Variants in GPATCH2 observed in about 807,000 individuals in gnomAD.
GPATCH2 encodes G-patch domain containing 2, also known as G patch domain-containing protein 2.
GPATCH2 carries 51 observed loss-of-function variants against 58.0 expected under a neutral mutation model. The ratio of observed to expected loss-of-function variants is 0.88; its 90% CI spans 0.70 to 1.11. The LOEUF is 1.11. Ranked by LOEUF, GPATCH2 falls within the 50% of genes most tolerant of loss-of-function variation. The pLI is 0.00. For missense variants in GPATCH2, 625 were observed against 652.2 expected (o/e 0.96, Z 0.45); for synonymous variants, 222 against 218.5 (o/e 1.02, Z -0.14).
intron 8 of GPATCH2, among the ~76,000 whole-genome samples, chr1:217,461,113 T>A (rs1660180489): frequency 6.6e-6 from 1 of 152,192 alleles, no homozygotes; most frequent in Non-Finnish European, 1.5e-5. Flanking sequence ...GCTACTTTTA[T>A]CTCCATATTG....
At chr1:217,523,391 C>A (rs1266449229) in intron 5 of GPATCH2, among the ~76,000 whole-genome samples, 1 of 151,578 alleles carries the variant, frequency 6.6e-6, no homozygotes, top group Non-Finnish European at 1.5e-5. Context: ...GAGCATGCTG[C>A]CTTCAAGCGT....
chr1:217,615,856 T>C (rs1384061652), intron 2 of GPATCH2, among the ~76,000 whole-genome samples: 4 of 152,158 alleles, frequency 2.6e-5, no homozygotes, highest in Admixed American at 2.6e-4. Flanking sequence ...AGACAAAGCA[T>C]TATGAATTGA....
chr1:217,528,033 A>G (rs985607376), intron 5 of GPATCH2, among the ~76,000 whole-genome samples: 2 of 152,218 alleles, frequency 1.3e-5, no homozygotes, highest in Admixed American at 6.5e-5. Context: ...TGAGTGTTAG[A>G]GCTGGCTAGG....
intron 5 of GPATCH2, among the ~76,000 whole-genome samples, chr1:217,588,982 A>AT (rs1286130604): frequency 5.9e-5 from 9 of 152,186 alleles, no homozygotes; most frequent in Non-Finnish European, 1.5e-5. Context: ...TTAAAAGGAC[A>AT]TTTTTTAGGA....
At chr1:217,487,404 G>T (rs1466699190) in intron 8 of GPATCH2, among the ~76,000 whole-genome samples, 1 of 151,280 alleles carries the variant, frequency 6.6e-6, no homozygotes, top group Non-Finnish European at 1.5e-5. Flanking sequence ...TCTGACACAT[G>T]AGTTGCTTGG....
chr1:217,520,191 T>A (rs1325138529), intron 5 of GPATCH2, among the ~76,000 whole-genome samples: 1 of 152,174 alleles, frequency 6.6e-6, no homozygotes, highest in Non-Finnish European at 1.5e-5. Flanking sequence ...CCTGGTAATA[T>A]GTCTAATGCT....
intron 2 of GPATCH2, among the ~76,000 whole-genome samples, chr1:217,615,831 A>G (rs1668859491): frequency 6.6e-6 from 1 of 152,152 alleles, no homozygotes; most frequent in Non-Finnish European, 1.5e-5. Context: ...ATAGCTTTTC[A>G]GAGTTCAGAT....
Position 217,430,629 on chromosome 1 carries a change from C to T in GPATCH2, c.*516G>A, listed in dbSNP as rs1658488589. On this transcript the variant is annotated 3_prime_UTR_variant, in exon 10 of 10. Coordinates refer to ENST00000366935, the MANE Select transcript of GPATCH2 (RefSeq NM_018040.5). ...GGGTATCACTCTGTCAGAAAATCCT[C>T]ACCAAGAAGCCAATTCAAGGAATAT... 1 of 156,228 alleles carries T rather than the reference C, an allele frequency of 6.4e-6. No individual in the cohort carries two copies. Among genetic ancestry groups the T allele is most frequent in the African/African-American group, 2.4e-5 (1 of 41,466 alleles). The allele number at this position is 156,228 out of a possible 1,614,324, so 9.7% of individuals were successfully genotyped here. A position where few individuals can be genotyped will look rare whatever the true frequency, so the allele number is the denominator to read the frequency against.
chr1:217,586,538 C>A (rs1667348694), intron 5 of GPATCH2, among the ~76,000 whole-genome samples: 1 of 152,156 alleles, frequency 6.6e-6, no homozygotes, highest in Admixed American at 6.5e-5. Context: ...CCTGTGATAA[C>A]AACGTCTTCT....
In GPATCH2 at chr1:217,429,351, C is replaced by T. The variant is rs1310803329; in HGVS notation, c.*1794G>A. On this transcript the variant is annotated 3_prime_UTR_variant, in exon 10 of 10. Transcript: ENST00000366935. ...TGGTCGTCCATAGTTCCCTAACCAACCTGTCCTCTAGGTACAATATCCCTG... is the reference window on the plus strand; with the variant it reads ...TGGTCGTCCATAGTTCCCTAACCAATCTGTCCTCTAGGTACAATATCCCTG... 1.3e-5 allele frequency: 2 copies of T among 152,154 alleles called. No homozygotes were observed. The highest frequency in any genetic ancestry group is 2.9e-5 in the Non-Finnish European group (2 of 68,034). 9.4% of individuals were successfully genotyped at this position (152,154 alleles called of 1,614,324 possible). A position where few individuals can be genotyped will look rare whatever the true frequency, so the allele number is the denominator to read the frequency against.
At chr1:217,511,386 A>G (rs1426715884) in intron 6 of GPATCH2, among the ~76,000 whole-genome samples, 1 of 152,232 alleles carries the variant, frequency 6.6e-6, no homozygotes, top group African/African-American at 2.4e-5. Context: ...AAAGACATCT[A>G]TAAATGGAAG....
intron 8 of GPATCH2, among the ~76,000 whole-genome samples, chr1:217,489,064 T>C (rs1661593065): frequency 1.3e-5 from 2 of 151,836 alleles, no homozygotes; most frequent in Admixed American, 1.3e-4. Flanking sequence ...GCTTTCTATG[T>C]ATCTTATTTT....
chr1:217,490,795 T>C (rs1159625706), intron 8 of GPATCH2, among the ~76,000 whole-genome samples: 1 of 152,248 alleles, frequency 6.6e-6, no homozygotes, highest in African/African-American at 2.4e-5. Context: ...AATCTCTTAG[T>C]CATTTATGTT....
At chr1:217,463,900 A>G (rs1660319467) in intron 8 of GPATCH2, among the ~76,000 whole-genome samples, 2 of 152,142 alleles carry the variant, frequency 1.3e-5, no homozygotes, top group South Asian at 4.1e-4. Flanking sequence ...AAGTTCCTGG[A>G]ATGCAGACAG....
Position 217,622,268 on chromosome 1 carries a change from G to A in GPATCH2, c.57-1769C>T, listed in dbSNP as rs903193078. Among the ~76,000 whole-genome samples, 4 of 152,278 alleles carry A rather than the reference G, an allele frequency of 2.6e-5. No individual in the cohort carries two copies. The East Asian group carries it at 7.7e-4, about 29-fold the overall frequency. ...ACACAAGGGACAGGGTGGCATAGCT[G>A]GTGAAAGTAAACTGAGCTCAAAGAA... On this transcript the variant is annotated intron_variant, in intron 1 of 9. Coordinates refer to ENST00000366935, the MANE Select transcript of GPATCH2 (RefSeq NM_018040.5).
intron 5 of GPATCH2, among the ~76,000 whole-genome samples, chr1:217,552,578 C>T (rs1015524294): frequency 5.3e-5 from 8 of 152,112 alleles, no homozygotes; most frequent in East Asian, 1.9e-4. Flanking sequence ...TATGTTGGAA[C>T]GAATGGTCAG....
Position 217,551,670 on chromosome 1 carries a change from T to C in GPATCH2, c.1099-36781A>G, listed in dbSNP as rs190644918. On this transcript the variant is annotated intron_variant, in intron 5 of 9. Transcript: ENST00000366935. ...ATCTCACTCACTGTTGTGTTTGTTGTATCTGAATATTTTTTTAAAACTTTG... is the reference window on the plus strand; with the variant it reads ...ATCTCACTCACTGTTGTGTTTGTTGCATCTGAATATTTTTTTAAAACTTTG... Among the ~76,000 whole-genome samples, 13 of 152,302 alleles carry C rather than the reference T, an allele frequency of 8.5e-5. No homozygotes were observed. The East Asian group carries it at 1.9e-3, about 23-fold the overall frequency.
intron 8 of GPATCH2, among the ~76,000 whole-genome samples, chr1:217,462,764 A>G (rs1660254031): frequency 6.6e-6 from 1 of 152,112 alleles, no homozygotes. Flanking sequence ...CTGTTTTTTC[A>G]TTTCTCCTCA....
chr1:217,450,911 T>G (rs1659636714), intron 8 of GPATCH2, among the ~76,000 whole-genome samples: 1 of 152,146 alleles, frequency 6.6e-6, no homozygotes, highest in South Asian at 2.1e-4. Context: ...AAATTTAAAG[T>G]TATTCCTTTA....
Sources: allele counts gnomAD v4.1 joint callset (sites outside exome capture counted in the v4.1 genomes callset), GRCh38; gene constraint gnomAD v4.1.1; transcripts MANE v1.5; gene names NCBI Gene and HGNC (gene_info 2026-07-23, HGNC 2026-07-21).